UBAC2: variants seen among roughly 807,000 people sequenced by gnomAD.
UBAC2 encodes UBA domain containing 2.
Under a neutral mutation model 44.0 loss-of-function variants are expected in UBAC2, and 26 were observed. That is an observed-to-expected ratio of 0.59 (90% CI 0.43 to 0.82). The LOEUF is 0.82. Among genes scored for constraint, UBAC2 ranks in the 40% least tolerant of loss-of-function variants. The probability of loss-of-function intolerance (pLI) is 0.00; values close to 1 mark genes in which losing one functional copy is unlikely to be tolerated. For missense variants in UBAC2, 329 were observed against 419.4 expected (o/e 0.78, Z 1.88); for synonymous variants, 155 against 154.3 (o/e 1.00, Z -0.04).
At chr13:99,234,155 A>G (rs2043207039) in intron 1 of UBAC2, among the ~76,000 whole-genome samples, 2 of 134,354 alleles carry the variant, frequency 1.5e-5, no homozygotes, top group African/African-American at 2.8e-5. Flanking sequence ...TGGGCCGGAC[A>G]TTGTGCTAGC....
intron 4 of UBAC2, among the ~76,000 whole-genome samples, chr13:99,286,658 C>A (rs763190507): frequency 2.6e-5 from 4 of 152,132 alleles, no homozygotes; most frequent in Non-Finnish European, 4.4e-5. Context: ...ACCCCACACT[C>A]CCCCAACAAG....
intron 4 of UBAC2, chr13:99,254,682 G>T: frequency 1.9e-6 from 1 of 526,154 alleles, no homozygotes; most frequent in Non-Finnish European, 3.3e-6. Context: ...AACAAGGCTT[G>T]ACTAGGAAAG....
chr13:99,362,008 C>A (rs2045271692), intron 7 of UBAC2, among the ~76,000 whole-genome samples: 1 of 151,762 alleles, frequency 6.6e-6, no homozygotes, highest in East Asian at 1.9e-4. Context: ...CCCTCATCCC[C>A]AAAAAAAGTT....
chr13:99,286,469 G>A (rs1954993578), intron 4 of UBAC2, among the ~76,000 whole-genome samples: 1 of 151,784 alleles, frequency 6.6e-6, no homozygotes, highest in Admixed American at 6.6e-5. Context: ...TCTCTTATTA[G>A]GACTTCTTTT....
intron 7 of UBAC2, among the ~76,000 whole-genome samples, chr13:99,362,219 T>C (rs900773779): frequency 1.3e-5 from 2 of 152,236 alleles, no homozygotes; most frequent in Non-Finnish European, 2.9e-5. Flanking sequence ...CTAATTCATT[T>C]ATTGTAGCTG....
At chr13:99,214,939 T>C (rs2042974393) in intron 1 of UBAC2, among the ~76,000 whole-genome samples, 1 of 152,104 alleles carries the variant, frequency 6.6e-6, no homozygotes, top group Non-Finnish European at 1.5e-5. Flanking sequence ...GTAAACATCA[T>C]TGAAATAGAA....
At chr13:99,229,133 T>C (rs1006957463) in intron 1 of UBAC2, among the ~76,000 whole-genome samples, 21 of 152,218 alleles carry the variant, frequency 1.4e-4, no homozygotes, top group Admixed American at 2.6e-4. Flanking sequence ...GTGGCCTCCC[T>C]TCAGGAATCT....
chr13:99,251,750 C>T (rs937934917), intron 4 of UBAC2, among the ~76,000 whole-genome samples: 1 of 152,182 alleles, frequency 6.6e-6, no homozygotes, highest in African/African-American at 2.4e-5. Flanking sequence ...AGCTCTGCCT[C>T]TTACTAGTTA....
intron 1 of UBAC2, among the ~76,000 whole-genome samples, chr13:99,210,278 A>G (rs1247320810): frequency 6.6e-6 from 1 of 152,236 alleles, no homozygotes; most frequent in Non-Finnish European, 1.5e-5. Context: ...AATGTAGGAA[A>G]GCACTAGGAA....
In UBAC2 at chr13:99,327,881, C is replaced by T. The variant is rs116000171; in HGVS notation, c.561+9812C>T. On this transcript the variant is annotated intron_variant, in intron 6 of 8. Coordinates refer to ENST00000403766, the MANE Select transcript of UBAC2 (RefSeq NM_001144072.2). The stretch of plus-strand genomic sequence containing the variant: ...GATGTTATTTACATACAATAGAACT[C>T]ACCAATTTTAAGTGTATAGTTCGTT... 1.9e-3 allele frequency among the ~76,000 whole-genome samples: 285 copies of T among 152,178 alleles called. 1 individual carries two copies. The highest frequency in any genetic ancestry group is 6.7e-3 in the African/African-American group (280 of 41,524).
intron 4 of UBAC2, chr13:99,256,606 T>C (rs542612893): frequency 2.0e-5 from 3 of 151,962 alleles, no homozygotes; most frequent in Non-Finnish European, 4.4e-5. Flanking sequence ...ATTTTAACAA[T>C]TTTCAAAGTA....
intron 2 of UBAC2, among the ~76,000 whole-genome samples, chr13:99,242,655 G>C (rs74437874): frequency 1.3e-4 from 10 of 75,066 alleles, no homozygotes; most frequent in Admixed American, 5.0e-4. Context: ...CCTCCCTCCC[G>C]GACGGGGCGG....
intron 7 of UBAC2, among the ~76,000 whole-genome samples, chr13:99,347,049 G>A (rs1363907399): frequency 3.3e-5 from 5 of 152,140 alleles, no homozygotes; most frequent in Admixed American, 6.5e-5. Flanking sequence ...AAGCCCAGGC[G>A]GGCAGATTGC....
chr13:99,324,793 G>A (rs1168080172), intron 6 of UBAC2, among the ~76,000 whole-genome samples: 1 of 152,128 alleles, frequency 6.6e-6, no homozygotes, highest in African/African-American at 2.4e-5. Flanking sequence ...TAGAAACCTG[G>A]TGTATGGCAC....
At chr13:99,267,730 G>C (rs1009998994) in intron 4 of UBAC2, among the ~76,000 whole-genome samples, 1 of 152,166 alleles carries the variant, frequency 6.6e-6, no homozygotes, top group Non-Finnish European at 1.5e-5. Flanking sequence ...GGTCCCTGCT[G>C]TTCTGATTAA....
intron 4 of UBAC2, among the ~76,000 whole-genome samples, chr13:99,305,924 C>T (rs1458944413): frequency 1.3e-5 from 2 of 152,042 alleles, no homozygotes; most frequent in African/African-American, 4.8e-5. Context: ...GAGACAGAGT[C>T]TCGCATGGTC....
At chr13:99,256,319 A>T (rs2043555871) in intron 4 of UBAC2, 1 of 154,092 alleles carries the variant, frequency 6.5e-6, no homozygotes, top group Non-Finnish European at 1.4e-5. Flanking sequence ...ACTTCATAAT[A>T]TTTATTACCT....
intron 1 of UBAC2, among the ~76,000 whole-genome samples, chr13:99,208,933 G>T (rs181029153): frequency 6.6e-6 from 1 of 152,118 alleles, no homozygotes; most frequent in Non-Finnish European, 1.5e-5. Context: ...AGTTTATTTT[G>T]GTGACTCCTC....
In UBAC2 at chr13:99,253,544, C is replaced by T. The variant is rs374293433; in HGVS notation, c.389+8920C>T. On this transcript the variant is annotated intron_variant, in intron 4 of 8. Transcript: ENST00000403766. ...TTCTTTTTTTTTTGAGACGGAGTCTCGCTTTGTCACCCAGGCTGGAGTGCA... is the reference window on the plus strand; with the variant it reads ...TTCTTTTTTTTTTGAGACGGAGTCTTGCTTTGTCACCCAGGCTGGAGTGCA... Among the ~76,000 whole-genome samples, 22 of 151,742 alleles carry T rather than the reference C, an allele frequency of 1.4e-4. 1 individual carries two copies. In the South Asian group the frequency reaches 4.2e-3, roughly 29 times the overall value.
Sources: allele counts gnomAD v4.1 joint callset (sites outside exome capture counted in the v4.1 genomes callset), GRCh38; gene constraint gnomAD v4.1.1; transcripts MANE v1.5; gene names NCBI Gene and HGNC (gene_info 2026-07-23, HGNC 2026-07-21).